Variants in PALS1 observed in about 807,000 individuals in gnomAD.
The protein encoded by PALS1 is protein PALS1.
Under a neutral mutation model 78.9 loss-of-function variants are expected in PALS1, and 31 were observed. The observed-to-expected ratio is 0.39, with a 90% CI of 0.30 to 0.53. The LOEUF is 0.53. Among genes scored for constraint, PALS1 ranks in the 20% least tolerant of loss-of-function variants. The pLI is 0.67. For synonymous variants in PALS1, 276 were observed against 270.9 expected, an observed-to-expected ratio of 1.02 and a Z score of -0.18; for missense variants, 704 against 826.5, an observed-to-expected ratio of 0.85 and a Z score of 1.82.
chr14:67,305,100 CT>C (rs1348547798), intron 8 of PALS1, among the ~76,000 whole-genome samples: 1 of 152,150 alleles, frequency 6.6e-6, no homozygotes, highest in Non-Finnish European at 1.5e-5. Context: ...GCTTGATTCT[CT>C]GTGCATTGTG....
At chr14:67,331,377 T>G (rs1595625675) in intron 14 of PALS1, among the ~76,000 whole-genome samples, 1 of 152,078 alleles carries the variant, frequency 6.6e-6, no homozygotes, top group East Asian at 1.9e-4. Context: ...TATTACTCAA[T>G]GATAGAAGTG....
Position 67,335,159 on chromosome 14 carries a change from T to G in PALS1, c.*2203T>G, listed in dbSNP as rs906022513. ...CAAGGTCAGTGAAGTCTATCAATCA[T>G]TCTCCCCTTCCTCATCAGCAATGGT... is the stretch of plus-strand genomic sequence containing the variant. On this transcript the variant is annotated 3_prime_UTR_variant, in exon 15 of 15. Coordinates refer to ENST00000261681, the MANE Select transcript of PALS1 (RefSeq NM_022474.4). 10 of 152,228 alleles carry G rather than the reference T, an allele frequency of 6.6e-5. No individual in the cohort carries two copies. The highest frequency in any genetic ancestry group is 2.4e-4 in the African/African-American group (10 of 41,458). The allele number at this position is 152,228 out of a possible 1,614,324, so 9.4% of individuals were successfully genotyped here. A position where few individuals can be genotyped will look rare whatever the true frequency, so the allele number is the denominator to read the frequency against.
At position 67,280,848 on chromosome 14, in the gene PALS1, C is replaced by CTTCT. The variant is rs2084595086; in HGVS notation, c.367+1314_367+1315insTTTC. The stretch of plus-strand genomic sequence containing the variant: ...CCTTCCTTCCTTCCTTCCTTCCTTC[C>CTTCT]TTCCTTCCCTCCCTCCCTCCCTCCC... On this transcript the variant is annotated intron_variant, in intron 3 of 14. Coordinates refer to ENST00000261681, the MANE Select transcript of PALS1 (RefSeq NM_022474.4). Among the ~76,000 whole-genome samples, 133 of 128,620 alleles carry CTTCT rather than the reference C, an allele frequency of 1.0e-3. 3 individuals carry two copies. Among genetic ancestry groups the CTTCT allele is most frequent in the African/African-American group, 4.3e-3 (126 of 29,456 alleles). The allele number at this position is 128,620 out of a possible 152,430, so 84.4% of individuals were successfully genotyped here. A position where few individuals can be genotyped will look rare whatever the true frequency, so the allele number is the denominator to read the frequency against.
At chr14:67,269,862 C>A (rs778326361) in intron 2 of PALS1, 79 bp downstream of exon 2, 1 of 152,462 alleles carries the variant, frequency 6.6e-6, no homozygotes, top group Non-Finnish European at 1.5e-5. Flanking sequence ...ATAGTTTAAC[C>A]TCTTAGAATG....
chr14:67,313,638 G>A (rs2085126906), intron 9 of PALS1, among the ~76,000 whole-genome samples: 1 of 152,130 alleles, frequency 6.6e-6, no homozygotes, highest in African/African-American at 2.4e-5. Flanking sequence ...TAGGGATATA[G>A]AGTAAAGGGA....
intron 3 of PALS1, among the ~76,000 whole-genome samples, chr14:67,289,768 CCTTTTTTTTTT>C (rs1414998016): frequency 2.1e-5 from 2 of 95,508 alleles, no homozygotes; most frequent in Non-Finnish European, 4.3e-5. Flanking sequence ...TTTTCCATGT[CCTTTTTTTTTT>C]TTTTTTTTTT....
At chr14:67,271,119 C>T (rs1237442331) in intron 2 of PALS1, 7 of 152,186 alleles carry the variant, frequency 4.6e-5, no homozygotes, top group Non-Finnish European at 8.8e-5. Context: ...GTGGTTTGCT[C>T]ATATACTTAA....
intron 1 of PALS1, among the ~76,000 whole-genome samples, chr14:67,250,787 T>C (rs779771541): frequency 3.3e-5 from 5 of 152,256 alleles, no homozygotes; most frequent in Non-Finnish European, 7.3e-5. Flanking sequence ...GTAGGCATCC[T>C]AAAGGAATCT....
chr14:67,271,279 A>C (rs2084402787), intron 2 of PALS1: 1 of 152,180 alleles, frequency 6.6e-6, no homozygotes, highest in South Asian at 2.1e-4. Flanking sequence ...ATTCTCCTAT[A>C]TTCTCCATCA....
At chr14:67,244,825 A>G (rs1269575348) in intron 1 of PALS1, among the ~76,000 whole-genome samples, 1 of 152,222 alleles carries the variant, frequency 6.6e-6, no homozygotes, top group Non-Finnish European at 1.5e-5. Context: ...ACCTGTGAAT[A>G]TGTTTGCTTA....
chr14:67,326,462 C>A (rs1237997495), intron 14 of PALS1, among the ~76,000 whole-genome samples: 1 of 151,828 alleles, frequency 6.6e-6, no homozygotes, highest in Non-Finnish European at 1.5e-5. Flanking sequence ...TTAGAACTTT[C>A]TGATTCTTTT....
intron 11 of PALS1, among the ~76,000 whole-genome samples, chr14:67,318,247 AC>A (rs1472611870): frequency 6.6e-6 from 1 of 152,234 alleles, no homozygotes; most frequent in African/African-American, 2.4e-5. Flanking sequence ...CACACATTAA[AC>A]TAATAAAGAT....
chr14:67,323,233 G>GTGTGTA (rs58646082), intron 13 of PALS1, among the ~76,000 whole-genome samples: 38 of 14,920 alleles, frequency 2.5e-3, no homozygotes, highest in Non-Finnish European at 0.011. Flanking sequence ...ATATATACAC[G>GTGTGTA]TGTGTGTGTG....
At chr14:67,306,569 A>G (rs979534469) in intron 8 of PALS1, among the ~76,000 whole-genome samples, 1 of 151,064 alleles carries the variant, frequency 6.6e-6, no homozygotes, top group Admixed American at 6.6e-5. Context: ...GAGTTTCACC[A>G]TGTTGGCCAG....
chr14:67,284,429 T>TAAAA (rs530863294), intron 3 of PALS1, among the ~76,000 whole-genome samples: 4 of 92,678 alleles, frequency 4.3e-5, no homozygotes, highest in Middle Eastern at 4.2e-3. Context: ...CCCTATCTCT[T>TAAAA]AAAAAAAAAA....
At position 67,328,764 on chromosome 14, in the gene PALS1, G is replaced by C. The variant is rs148061539; in HGVS notation, c.1852-4016G>C. Among the ~76,000 whole-genome samples the C allele has an allele frequency of 4.0e-3, 615 of 152,200 alleles. 18 individuals carry two copies. In the East Asian group the frequency reaches 0.059, roughly 15 times the overall value. On this transcript the variant is annotated intron_variant, in intron 14 of 14. Coordinates refer to ENST00000261681, the MANE Select transcript of PALS1 (RefSeq NM_022474.4). Reference sequence around the variant, plus strand: ...TTTCCCCATTTCTTCTTTTTGTCAGGTTTGTCAAAGATCAGATGGTTGTAG... The same window carrying C: ...TTTCCCCATTTCTTCTTTTTGTCAGCTTTGTCAAAGATCAGATGGTTGTAG...
Position 67,320,321 on chromosome 14 carries a change from A to G in PALS1, c.1461A>G (p.Pro487=), listed in dbSNP as rs772823494. ...AGAGACCTATCATCTTGATTGGTCC[A>G]CAGAACTGTGGCCAGAATGAATTGC... ...NRKRPIILIG[P]QNCGQNELRQ... is the part of the protein sequence containing the mutation. Residue 487 remains proline, a synonymous_variant, in exon 12 of 15, where the codon CCA becomes CCG. Transcript: ENST00000261681. The G allele has an allele frequency of 6.2e-7, 1 of 1,613,946 alleles. No individual in the cohort carries two copies. Among genetic ancestry groups the G allele is most frequent in the Admixed American group, 1.7e-5 (1 of 59,976 alleles).
rs745581535 is a variant in PALS1, at chr14:67,302,583, C to A, written c.963+12C>A. On this transcript the variant is annotated intron_variant, in intron 7 of 14. Coordinates refer to ENST00000261681, the MANE Select transcript of PALS1 (RefSeq NM_022474.4). ...TTTTTGACTTGTTGGTAAGTTGACG[C>A]AGCTAGAAGAATAATTGATAGCTTT... The A allele has an allele frequency of 6.9e-7, 1 of 1,455,988 alleles. No individual in the cohort carries two copies. Among genetic ancestry groups the A allele is most frequent in the Admixed American group, 2.3e-5 (1 of 43,146 alleles). 90.2% of individuals were successfully genotyped at this position (1,455,988 alleles called of 1,614,324 possible). A position where few individuals can be genotyped will look rare whatever the true frequency, so the allele number is the denominator to read the frequency against.
intron 12 of PALS1, 102 bp downstream of exon 12, chr14:67,320,499 C>T (rs1171317481): frequency 7.2e-6 from 8 of 1,112,960 alleles, no homozygotes; most frequent in Non-Finnish European, 9.7e-6. Context: ...CATTAAAACA[C>T]TGTTGTCAGT....
Sources: gnomAD v4.1 joint callset for allele counts (sites outside exome capture counted in the v4.1 genomes callset) on GRCh38, gnomAD v4.1.1 for gene constraint, MANE v1.5 for transcripts, NCBI Gene and HGNC (gene_info 2026-07-23, HGNC 2026-07-21) for gene names.